The following HS3ST4 variants were observed in gnomAD, a reference collection of about 807,000 sequenced individuals.
The protein encoded by HS3ST4 is heparan sulfate glucosamine 3-O-sulfotransferase 4.
A neutral mutation model predicts 29.2 loss-of-function variants in HS3ST4; 17 were observed. The observed-to-expected ratio is 0.58, with a 90% CI of 0.40 to 0.87. The LOEUF (loss-of-function observed/expected upper bound fraction) is 0.87, where lower values mean the gene tolerates loss of function less well. Ranked by LOEUF, HS3ST4 falls within the 40% of genes least tolerant of loss-of-function variation. The pLI is 0.00. For missense variants in HS3ST4, 627 were observed against 634.5 expected (o/e 0.99, Z 0.13); for synonymous variants, 314 against 285.7 (o/e 1.10, Z -1.00).
intron 1 of HS3ST4, among the ~76,000 whole-genome samples, chr16:25,805,685 T>C (rs1437020873): frequency 6.6e-6 from 1 of 152,152 alleles, no homozygotes; most frequent in African/African-American, 2.4e-5. Context: ...TTGCCTCAAA[T>C]TACTTCTTTT....
chr16:25,889,902 A>G (rs981512471), intron 1 of HS3ST4, among the ~76,000 whole-genome samples: 29 of 100,534 alleles, frequency 2.9e-4, no homozygotes, highest in Non-Finnish European at 4.5e-4. Flanking sequence ...ATTCCCCTAT[A>G]CATGCTCTCT....
chr16:25,939,127 A>T (rs1968547947), intron 1 of HS3ST4, among the ~76,000 whole-genome samples: 1 of 152,038 alleles, frequency 6.6e-6, no homozygotes. Context: ...CCAGAAACAC[A>T]CATACCTCAT....
rs116253724 is a variant in HS3ST4 at position 25,779,472 on chromosome 16, G to T, written c.734+86321G>T. On this transcript the variant is annotated intron_variant, in intron 1 of 1. Coordinates refer to ENST00000331351, the MANE Select transcript of HS3ST4 (RefSeq NM_006040.3). Reference sequence around the variant, plus strand: ...TTTGTACCAATCATTTCATTCGTTTGCTCATTTATTCATTTAATCAACCAA... The same window carrying T: ...TTTGTACCAATCATTTCATTCGTTTTCTCATTTATTCATTTAATCAACCAA... 4.8e-3 allele frequency among the ~76,000 whole-genome samples: 736 copies of T among 152,264 alleles called. 7 individuals are homozygous for T. Among genetic ancestry groups the T allele is most frequent in the African/African-American group, 0.017 (694 of 41,548 alleles).
intron 1 of HS3ST4, among the ~76,000 whole-genome samples, chr16:25,771,223 A>G (rs1966841623): frequency 6.6e-6 from 1 of 152,006 alleles, no homozygotes; most frequent in Non-Finnish European, 1.5e-5. Context: ...CCTACTTATG[A>G]GTGAGAACAT....
At chr16:25,853,674 A>G (rs1223059496) in intron 1 of HS3ST4, among the ~76,000 whole-genome samples, 2 of 152,176 alleles carry the variant, frequency 1.3e-5, no homozygotes, top group African/African-American at 4.8e-5. Context: ...GATGTATCAC[A>G]TTTATTGATT....
At chr16:25,933,671 A>G (rs1344727360) in intron 1 of HS3ST4, among the ~76,000 whole-genome samples, 1 of 152,178 alleles carries the variant, frequency 6.6e-6, no homozygotes, top group Admixed American at 6.5e-5. Context: ...TATTTGGCTC[A>G]TGTTTTTTCA....
At chr16:25,730,982 G>A (rs1157677286) in intron 1 of HS3ST4, among the ~76,000 whole-genome samples, 1 of 152,176 alleles carries the variant, frequency 6.6e-6, no homozygotes, top group Admixed American at 6.5e-5. Context: ...CATACAGGGT[G>A]GAGTCCAGGA....
chr16:26,058,702 G>A (rs1348347520), intron 1 of HS3ST4, among the ~76,000 whole-genome samples: 2 of 152,162 alleles, frequency 1.3e-5, no homozygotes, highest in Non-Finnish European at 2.9e-5. Context: ...TGTATCCTTT[G>A]CCTCTACTTT....
chr16:25,847,744 T>C (rs941980620), intron 1 of HS3ST4, among the ~76,000 whole-genome samples: 3 of 152,166 alleles, frequency 2.0e-5, no homozygotes, highest in Non-Finnish European at 4.4e-5. Flanking sequence ...GGTGAACATA[T>C]AGGGTTTGTC....
chr16:25,701,565 A>C (rs1219375583), intron 1 of HS3ST4, among the ~76,000 whole-genome samples: 3 of 152,158 alleles, frequency 2.0e-5, no homozygotes, highest in Non-Finnish European at 4.4e-5. Context: ...CAGGCATATG[A>C]TCTCTCTAAT....
At chr16:26,096,037 T>G (rs4490007) in intron 1 of HS3ST4, among the ~76,000 whole-genome samples, 1 of 151,902 alleles carries the variant, frequency 6.6e-6, no homozygotes, top group African/African-American at 2.4e-5. Context: ...TAAATTCCTA[T>G]ACACATACAC....
intron 1 of HS3ST4, among the ~76,000 whole-genome samples, chr16:26,092,736 G>T (rs912443030): frequency 6.6e-6 from 1 of 152,138 alleles, no homozygotes; most frequent in African/African-American, 2.4e-5. Context: ...TCATTGGGAT[G>T]GTTGGACAGT....
chr16:25,828,293 TTTCTTTCC>T lies in HS3ST4; in HGVS notation c.734+135143_734+135150del, dbSNP rs1175482398. 3.3e-3 allele frequency among the ~76,000 whole-genome samples: 256 copies of T among 76,764 alleles called. 1 individual carries two copies. The highest frequency in any genetic ancestry group is 0.022 in the Middle Eastern group (4 of 178). The allele number at this position is 76,764 out of a possible 152,430, so 50.4% of individuals were successfully genotyped here. Reference sequence around the variant, plus strand: ...CTTTCTTTCTTTCTTTCTTTCTTTCTTTCTTTCCCTCTCTCTCTCTCTCTCTCTCTCTC... The same window carrying T: ...CTTTCTTTCTTTCTTTCTTTCTTTCTCTCTCTCTCTCTCTCTCTCTCTCTC... On this transcript the variant is annotated intron_variant, in intron 1 of 1. Coordinates refer to ENST00000331351, the MANE Select transcript of HS3ST4 (RefSeq NM_006040.3).
intron 1 of HS3ST4, among the ~76,000 whole-genome samples, chr16:25,987,754 A>AGATT (rs928173095): frequency 6.6e-6 from 1 of 151,714 alleles, no homozygotes; most frequent in African/African-American, 2.4e-5. Flanking sequence ...TAGATCTGCA[A>AGATT]GATTGATTGA....
intron 1 of HS3ST4, among the ~76,000 whole-genome samples, chr16:25,995,369 T>G (rs986956247): frequency 6.6e-6 from 1 of 152,236 alleles, no homozygotes; most frequent in Non-Finnish European, 1.5e-5. Flanking sequence ...ATTCTGTCTC[T>G]TGTCCCAGCT....
At chr16:26,008,079 A>G (rs1157362566) in intron 1 of HS3ST4, among the ~76,000 whole-genome samples, 1 of 152,214 alleles carries the variant, frequency 6.6e-6, no homozygotes, top group Non-Finnish European at 1.5e-5. Context: ...GAAACCAAAC[A>G]GACATCAGGC....
At chr16:25,694,158 C>CA (rs1331781853) in intron 1 of HS3ST4, among the ~76,000 whole-genome samples, 8 of 152,170 alleles carry the variant, frequency 5.3e-5, no homozygotes, top group Non-Finnish European at 5.9e-5. Context: ...TTGCAAATGT[C>CA]AAACAGAAAC....
At chr16:25,719,509 G>T (rs1966478887) in intron 1 of HS3ST4, among the ~76,000 whole-genome samples, 1 of 152,206 alleles carries the variant, frequency 6.6e-6, no homozygotes, top group African/African-American at 2.4e-5. Context: ...ATCCAGATAG[G>T]TAGTGCTGGG....
chr16:25,698,456 G>A (rs1301903528), intron 1 of HS3ST4, among the ~76,000 whole-genome samples: 2 of 152,144 alleles, frequency 1.3e-5, no homozygotes, highest in Non-Finnish European at 2.9e-5. Context: ...GACAAATCCA[G>A]GTTCAAAACG....
Sources: gnomAD v4.1 joint callset for allele counts (sites outside exome capture counted in the v4.1 genomes callset) on GRCh38, gnomAD v4.1.1 for gene constraint, MANE v1.5 for transcripts, NCBI Gene and HGNC (gene_info 2026-07-23, HGNC 2026-07-21) for gene names.